The following AKT1 variants were observed in gnomAD, a reference collection of about 807,000 sequenced individuals.
The protein encoded by AKT1 is RAC-alpha serine/threonine-protein kinase.
A neutral mutation model predicts 63.1 loss-of-function variants in AKT1; 21 were observed. The ratio of observed to expected loss-of-function variants is 0.33; its 90% CI spans 0.24 to 0.48. The LOEUF is 0.48. Among genes scored for constraint, AKT1 ranks in the 20% least tolerant of loss-of-function variants. The probability of loss-of-function intolerance (pLI) is 0.99; values close to 1 mark genes in which losing one functional copy is unlikely to be tolerated. For missense variants in AKT1, 382 were observed against 666.0 expected, an observed-to-expected ratio of 0.57 and a Z score of 4.69; for synonymous variants, 257 against 253.1, an observed-to-expected ratio of 1.02 and a Z score of -0.15.
intron 13 of AKT1, 118 bp downstream of exon 13, chr14:104,772,247 G>T (rs1892429040): frequency 1.5e-5 from 16 of 1,097,662 alleles, no homozygotes; most frequent in Non-Finnish European, 2.2e-5. Flanking sequence ...CAGGACTGCA[G>T]CAGGCTCCTG....
chr14:104,784,229 A>T (rs1250527493), intron 3 of AKT1, among the ~76,000 whole-genome samples: 1 of 152,104 alleles, frequency 6.6e-6, no homozygotes, highest in East Asian at 1.9e-4. Context: ...ACCCTGTGAC[A>T]CTGCACCTAT....
At position 104,773,893 on chromosome 14, in the gene AKT1, C is replaced by T; in HGVS notation, c.702+19G>A. On this transcript the variant is annotated intron_variant, in intron 9 of 14. Coordinates refer to ENST00000649815, the MANE Select transcript of AKT1 (RefSeq NM_001382430.1). ...GCCCACAGGCCGCGAAGTCCATCCC[C>T]CGCAGCCCCAGCCCCTACCTCGCCC... is the stretch of plus-strand genomic sequence containing the variant. The T allele has an allele frequency of 6.3e-7, 1 of 1,594,392 alleles. No homozygotes were observed.
chr14:104,779,063 A>T (rs1892883929), intron 4 of AKT1, among the ~76,000 whole-genome samples: 1 of 152,144 alleles, frequency 6.6e-6, no homozygotes, highest in African/African-American at 2.4e-5. Context: ...GACACAGAAA[A>T]TGGGGACCAT....
chr14:104,789,913 G>C (rs117303450), intron 3 of AKT1, among the ~76,000 whole-genome samples: 1 of 152,136 alleles, frequency 6.6e-6, no homozygotes, highest in East Asian at 1.9e-4. Context: ...CCCATGCCCG[G>C]TCCCTTCTGT....
At chr14:104,771,421 C>CA (rs1022165643) in intron 13 of AKT1, 1 of 232,320 alleles carries the variant, frequency 4.3e-6, no homozygotes, top group African/African-American at 2.2e-5. Flanking sequence ...AGGACCCCCT[C>CA]AAGCACTGCC....
At position 104,792,602 on chromosome 14, in the gene AKT1, T is replaced by C; in HGVS notation, c.42A>G (p.Lys14=). The C allele has an allele frequency of 6.2e-7, 1 of 1,612,148 alleles. No homozygotes were observed. Among genetic ancestry groups the C allele is most frequent in the Non-Finnish European group, 8.5e-7 (1 of 1,179,866 alleles). ...GCCCTGGCAGCGGGTACTAACCTCGTTTGTGCAGCCAACCCTCCTTCACAA... is the reference window on the plus strand; with the variant it reads ...GCCCTGGCAGCGGGTACTAACCTCGCTTGTGCAGCCAACCCTCCTTCACAA... ...VAIVKEGWLH[K]RGEYIKTWRP... Residue 14 remains lysine (K), a synonymous_variant, in exon 3 of 15, where the codon AAA becomes AAG. Transcript: ENST00000649815.
At chr14:104,787,837 A>G (rs1893415163) in intron 3 of AKT1, among the ~76,000 whole-genome samples, 1 of 152,232 alleles carries the variant, frequency 6.6e-6, no homozygotes, top group Non-Finnish European at 1.5e-5. Context: ...GCTAAGGTCC[A>G]GGGCTGGGGC....
At chr14:104,781,844 C>A (rs893695309) in intron 3 of AKT1, among the ~76,000 whole-genome samples, 1 of 152,204 alleles carries the variant, frequency 6.6e-6, no homozygotes, top group Admixed American at 6.5e-5. Flanking sequence ...GGACGGCCAA[C>A]ACCCAGTTGC....
At chr14:104,788,175 G>A (rs1056883269) in intron 3 of AKT1, among the ~76,000 whole-genome samples, 1 of 152,212 alleles carries the variant, frequency 6.6e-6, no homozygotes, top group African/African-American at 2.4e-5. Context: ...AACCAGCCCA[G>A]GGCCCGCGGG....
intron 3 of AKT1, among the ~76,000 whole-genome samples, chr14:104,788,367 TAATG>T (rs1346433007): frequency 6.6e-6 from 1 of 151,912 alleles, no homozygotes; most frequent in Non-Finnish European, 1.5e-5. Context: ...CCTGGCGGGG[TAATG>T]AGCAGCCTCC....
chr14:104,775,951 GC>G, intron 5 of AKT1, 152 bp from the exon 6 acceptor site: 2 of 876,516 alleles, frequency 2.3e-6, no homozygotes, highest in Non-Finnish European at 3.4e-6. Context: ...ACCTGGTCTG[GC>G]CACATACACT....
At position 104,777,899 on chromosome 14, in the gene AKT1, C is replaced by T. The variant is rs944717088; in HGVS notation, c.176-1129G>A. The T allele has an allele frequency of 3.3e-4, 54 of 163,802 alleles. 1 individual carries two copies. Among genetic ancestry groups the T allele is most frequent in the Admixed American group, 3.1e-3 (47 of 15,312 alleles). The allele number at this position is 163,802 out of a possible 1,614,324, so 10.1% of individuals were successfully genotyped here. On this transcript the variant is annotated intron_variant, in intron 4 of 14. Coordinates refer to ENST00000649815, the MANE Select transcript of AKT1 (RefSeq NM_001382430.1). ...AGAAGTGGAAACCGGTGTGAAGCCC[C>T]GGCACACCCACCTCCCACTCGCTCC... is the stretch of plus-strand genomic sequence containing the variant.
At chr14:104,783,497 C>T (rs948982968) in intron 3 of AKT1, among the ~76,000 whole-genome samples, 1 of 148,348 alleles carries the variant, frequency 6.7e-6, no homozygotes, top group Admixed American at 6.7e-5. Context: ...GGCATCCCCC[C>T]ACCCCACCCC....
Position 104,777,595 on chromosome 14 carries a change from G to A in AKT1, c.176-825C>T, listed in dbSNP as rs946739081. On this transcript the variant is annotated intron_variant, in intron 4 of 14. Transcript: ENST00000649815. The stretch of plus-strand genomic sequence containing the variant: ...TGGGGCACAGCCACACCTACAGCAC[G>A]TACACCCTGAGGGCTGTGGGAACGT... 8.0e-6 allele frequency: 8 copies of A among 1,001,742 alleles called. No homozygotes were observed. The Admixed American group carries it at 1.8e-4, about 23-fold the overall frequency. The allele number at this position is 1,001,742 out of a possible 1,614,324, so 62.1% of individuals were successfully genotyped here. A position where few individuals can be genotyped will look rare whatever the true frequency, so the allele number is the denominator to read the frequency against.
intron 7 of AKT1, 29 bp downstream of exon 7, chr14:104,775,047 T>G: frequency 6.2e-7 from 1 of 1,612,756 alleles, no homozygotes; most frequent in Admixed American, 1.7e-5. Context: ...CACCCTCATC[T>G]CCACCCTGCC....
chr14:104,794,786 T>C (rs117096287), intron 1 of AKT1, among the ~76,000 whole-genome samples: 3,460 of 152,234 alleles, frequency 0.023, 100 homozygotes, highest in African/African-American at 0.068. Context: ...GGGCCCAAGC[T>C]CACCCGCTGA....
intron 2 of AKT1, 39 bp from the exon 3 acceptor site, chr14:104,792,761 T>G: frequency 7.6e-7 from 1 of 1,312,718 alleles, no homozygotes. Context: ...AGGCCACGCC[T>G]GGCTAAGGGC....
intron 4 of AKT1, chr14:104,777,447 A>T: frequency 1.4e-6 from 1 of 725,442 alleles, no homozygotes; most frequent in Non-Finnish European, 1.7e-6. Context: ...ACACTGGAAT[A>T]CACAGACATC....
chr14:104,781,544 A>T (rs2494740), intron 3 of AKT1, among the ~76,000 whole-genome samples: 94,527 of 152,038 alleles, frequency 0.62, 30,954 homozygotes, highest in East Asian at 0.79. Flanking sequence ...GAGTTCTTTA[A>T]TAGAGGTGAG....
Sources: gnomAD v4.1 joint callset for allele counts (sites outside exome capture counted in the v4.1 genomes callset) on GRCh38, gnomAD v4.1.1 for gene constraint, MANE v1.5 for transcripts, NCBI Gene and HGNC (gene_info 2026-07-23, HGNC 2026-07-21) for gene names.